NRG1: variants seen among roughly 807,000 people sequenced by gnomAD.
The protein encoded by NRG1 is pro-neuregulin-1, membrane-bound isoform.
In NRG1, 18 loss-of-function variants were observed where a neutral mutation model predicts 63.8. The observed-to-expected ratio is 0.28, with a 90% CI of 0.19 to 0.42. NRG1 has a LOEUF of 0.42. Ranked by LOEUF, NRG1 falls within the 10% of genes least tolerant of loss-of-function variation. The pLI is 1.00. For synonymous variants in NRG1, 302 were observed against 301.3 expected, an observed-to-expected ratio of 1.00 and a Z score of -0.02; for missense variants, 762 against 814.7, an observed-to-expected ratio of 0.94 and a Z score of 0.79.
chr8:31,858,403 G>C (rs1244015901), intron 1 of NRG1, among the ~76,000 whole-genome samples: 1 of 152,164 alleles, frequency 6.6e-6, no homozygotes, highest in African/African-American at 2.4e-5. Flanking sequence ...TTGATAAGTG[G>C]ATGCCTCATG....
At chr8:32,090,217 T>C (rs995217739) in intron 1 of NRG1, among the ~76,000 whole-genome samples, 2 of 152,234 alleles carry the variant, frequency 1.3e-5, no homozygotes, top group South Asian at 4.1e-4. Flanking sequence ...AAAATAGTCG[T>C]AAGTTAGCGC....
chr8:32,293,687 T>C (rs536356279), intron 1 of NRG1, among the ~76,000 whole-genome samples: 44 of 151,406 alleles, frequency 2.9e-4, no homozygotes, highest in African/African-American at 1.0e-3. Flanking sequence ...GTTCTCTTTA[T>C]TTTTTACTAT....
At chr8:32,528,755 A>C (rs987920777) in intron 1 of NRG1, among the ~76,000 whole-genome samples, 1 of 152,230 alleles carries the variant, frequency 6.6e-6, no homozygotes, top group Non-Finnish European at 1.5e-5. Context: ...CATATATAGA[A>C]TACATACAGG....
intron 1 of NRG1, among the ~76,000 whole-genome samples, chr8:31,932,009 G>A (rs1220971140): frequency 6.6e-6 from 1 of 152,150 alleles, no homozygotes; most frequent in Non-Finnish European, 1.5e-5. Flanking sequence ...AAGAGATGTG[G>A]CATTTACACC....
chr8:32,097,089 A>T (rs1432737208), intron 1 of NRG1, among the ~76,000 whole-genome samples: 1 of 152,202 alleles, frequency 6.6e-6, no homozygotes, highest in African/African-American at 2.4e-5. Context: ...GAATGAGAAC[A>T]TGCAATATTT....
At chr8:31,861,769 G>C (rs1828496804) in intron 1 of NRG1, among the ~76,000 whole-genome samples, 1 of 152,148 alleles carries the variant, frequency 6.6e-6, no homozygotes, top group Admixed American at 6.5e-5. Flanking sequence ...AGAAGTCCCA[G>C]ACCCACAATG....
At chr8:32,141,287 C>G (rs1836219792) in intron 1 of NRG1, among the ~76,000 whole-genome samples, 1 of 151,854 alleles carries the variant, frequency 6.6e-6, no homozygotes, top group Non-Finnish European at 1.5e-5. Context: ...TTGTATATAA[C>G]AGAGGAATTT....
intron 1 of NRG1, among the ~76,000 whole-genome samples, chr8:32,065,837 T>G (rs1003758998): frequency 6.6e-6 from 1 of 152,236 alleles, no homozygotes; most frequent in African/African-American, 2.4e-5. Flanking sequence ...CCACATCCTC[T>G]CTGGCACCTG....
intron 1 of NRG1, among the ~76,000 whole-genome samples, chr8:31,653,771 C>T (rs967867958): frequency 6.6e-6 from 1 of 152,318 alleles, no homozygotes; most frequent in South Asian, 2.1e-4. Flanking sequence ...TTAATGCTCA[C>T]TATGTCTTGT....
chr8:32,544,018 G>C (rs1320278705), upstream of NRG1, among the ~76,000 whole-genome samples: 3 of 152,102 alleles, frequency 2.0e-5, no homozygotes, highest in Non-Finnish European at 4.4e-5. Context: ...CTCCCTCATA[G>C]GATGGTCTTT....
intron 1 of NRG1, among the ~76,000 whole-genome samples, chr8:32,358,273 C>T (rs7825189): frequency 4.7e-5 from 7 of 148,732 alleles, no homozygotes; most frequent in South Asian, 2.1e-4. Context: ...ACTTCTTTTA[C>T]GTGGGAGAGT....
intron 1 of NRG1, among the ~76,000 whole-genome samples, chr8:32,336,086 G>C (rs994015003): frequency 6.6e-6 from 1 of 152,212 alleles, no homozygotes; most frequent in Admixed American, 6.5e-5. Context: ...CCCATGGCTT[G>C]TCCAGAGAAG....
At chr8:32,430,206 G>A (rs1234970450) in intron 1 of NRG1, among the ~76,000 whole-genome samples, 1 of 152,068 alleles carries the variant, frequency 6.6e-6, no homozygotes, top group Admixed American at 6.6e-5. Flanking sequence ...CATTCCACAC[G>A]AATTCTCTTT....
intron 1 of NRG1, among the ~76,000 whole-genome samples, chr8:32,297,317 A>G (rs1024564240): frequency 2.5e-4 from 38 of 152,170 alleles, no homozygotes; most frequent in Non-Finnish European, 8.8e-5. Context: ...AGGTCTGAAT[A>G]AAACCATAAA....
intron 1 of NRG1, among the ~76,000 whole-genome samples, chr8:32,123,483 C>T (rs147434957): frequency 2.0e-5 from 3 of 151,850 alleles, no homozygotes; most frequent in Admixed American, 1.3e-4. Context: ...GTCAATTAAA[C>T]CTCTTTCCTT....
intron 1 of NRG1, among the ~76,000 whole-genome samples, chr8:32,123,077 C>G (rs185860914): frequency 6.6e-6 from 1 of 152,018 alleles, no homozygotes; most frequent in Non-Finnish European, 1.5e-5. Flanking sequence ...GTATTGAAGT[C>G]CCCATGAGAA....
intron 1 of NRG1, among the ~76,000 whole-genome samples, chr8:32,352,189 G>T (rs1048576722): frequency 6.6e-6 from 1 of 150,404 alleles, no homozygotes; most frequent in South Asian, 2.1e-4. Flanking sequence ...TGCAGTGTGT[G>T]TCAGGGACAC....
intron 1 of NRG1, among the ~76,000 whole-genome samples, chr8:32,406,941 G>A (rs933800932): frequency 6.6e-6 from 1 of 152,070 alleles, no homozygotes; most frequent in Non-Finnish European, 1.5e-5. Context: ...TTTGGAGAGA[G>A]AAAGGGAGTT....
chr8:32,564,235 TCAA>T (rs1837012324), intron 1 of NRG1, among the ~76,000 whole-genome samples: 1 of 152,202 alleles, frequency 6.6e-6, no homozygotes, highest in African/African-American at 2.4e-5. Context: ...GCTTTGTTTC[TCAA>T]AAACTTAATC....
Sources: allele counts gnomAD v4.1 joint callset (sites outside exome capture counted in the v4.1 genomes callset), GRCh38; gene constraint gnomAD v4.1.1; transcripts MANE v1.5; gene names NCBI Gene and HGNC (gene_info 2026-07-23, HGNC 2026-07-21).